The following WWOX variants were observed in gnomAD, a reference collection of about 807,000 sequenced individuals.
WWOX encodes the protein WW domain-containing oxidoreductase.
A neutral mutation model predicts 46.2 loss-of-function variants in WWOX; 69 were observed. The ratio of observed to expected loss-of-function variants is 1.49; its 90% CI spans 1.23 to 1.82. WWOX has a LOEUF of 1.82. WWOX is among the 40% of genes most tolerant of loss of function. The probability of loss-of-function intolerance (pLI) is 0.00; values close to 1 mark genes in which losing one functional copy is unlikely to be tolerated. For missense variants in WWOX, 919 were observed against 542.6 expected, an observed-to-expected ratio of 1.69 and a Z score of -6.89; for synonymous variants, 359 against 202.6, an observed-to-expected ratio of 1.77 and a Z score of -6.56.
At chr16:78,424,168 A>G (rs1476165860) in intron 6 of WWOX, among the ~76,000 whole-genome samples, 2 of 124,064 alleles carry the variant, frequency 1.6e-5, no homozygotes, top group African/African-American at 6.4e-5. Flanking sequence ...GTCAGGCTGG[A>G]GTGCAGTGGC....
In WWOX at chr16:78,621,545, G is replaced by T. The variant is rs561981740; in HGVS notation, c.1056+188793G>T. Among the ~76,000 whole-genome samples, 15 of 135,890 alleles carry T rather than the reference G, an allele frequency of 1.1e-4. 1 individual carries two copies. In the South Asian group the frequency reaches 3.6e-3, roughly 32 times the overall value. 89.1% of individuals were successfully genotyped at this position (135,890 alleles called of 152,430 possible). ...CTCAGAACTTGGCTTTTATTGGCCA[G>T]TATATTCAATGATTCACTTGCACCT... On this transcript the variant is annotated intron_variant, in intron 8 of 8. Transcript: ENST00000566780.
chr16:78,678,931 C>A (rs2047665720), intron 8 of WWOX, among the ~76,000 whole-genome samples: 1 of 152,154 alleles, frequency 6.6e-6, no homozygotes, highest in Non-Finnish European at 1.5e-5. Context: ...ACACTTTGTT[C>A]AGAGTGGGCC....
At chr16:78,979,753 C>A (rs1324161817) in intron 8 of WWOX, among the ~76,000 whole-genome samples, 1 of 152,134 alleles carries the variant, frequency 6.6e-6, no homozygotes, top group Non-Finnish European at 1.5e-5. Context: ...CAGGTTTTTC[C>A]TTCTCAGCTT....
rs943612086 is a variant in WWOX, at chr16:78,600,011, G to C, written c.1056+167259G>C. Among the ~76,000 whole-genome samples, 3 of 152,230 alleles carry C rather than the reference G, an allele frequency of 2.0e-5. No homozygotes were observed. The South Asian group carries it at 6.2e-4, about 32-fold the overall frequency. ...GCTTAGTGGACTCACAGCTCCACAT[G>C]GCTGGGGAGGCCTCACAACCATGGT... On this transcript the variant is annotated intron_variant, in intron 8 of 8. Transcript: ENST00000566780.
rs139222337 is a variant in WWOX, at chr16:79,212,570, G to A, written c.*774G>A. 3.4e-3 allele frequency: 554 copies of A among 163,924 alleles called. 5 individuals are homozygous for A. Among genetic ancestry groups the A allele is most frequent in the Admixed American group, 0.025 (443 of 17,816 alleles). 10.2% of individuals were successfully genotyped at this position (163,924 alleles called of 1,614,324 possible). A position where few individuals can be genotyped will look rare whatever the true frequency, so the allele number is the denominator to read the frequency against. On this transcript the variant is annotated 3_prime_UTR_variant, in exon 9 of 9. Transcript: ENST00000566780. Reference sequence around the variant, plus strand: ...AAAACGTTAGTTAATCCCTTTGTCTGTCAATCACAGTCTCAGTTCTCTTGC... The same window carrying A: ...AAAACGTTAGTTAATCCCTTTGTCTATCAATCACAGTCTCAGTTCTCTTGC...
rs2049478075 is a variant in WWOX, at chr16:78,751,488, T to TGC, written c.1056+318737_1056+318738dup. Among the ~76,000 whole-genome samples, 23 of 142,528 alleles carry TGC rather than the reference T, an allele frequency of 1.6e-4. 1 individual carries two copies. The Admixed American group carries it at 1.6e-3, about 10-fold the overall frequency. The allele number at this position is 142,528 out of a possible 152,430, so 93.5% of individuals were successfully genotyped here. On this transcript the variant is annotated intron_variant, in intron 8 of 8. Coordinates refer to ENST00000566780, the MANE Select transcript of WWOX (RefSeq NM_016373.4). Reference sequence around the variant, plus strand: ...ATATATATATATATATATATATATATGCATATGTTTGTATATAAATATACA... The same window carrying TGC: ...ATATATATATATATATATATATATATGCGCATATGTTTGTATATAAATATACA...
Position 78,426,350 on chromosome 16 carries a change from G to A in WWOX, c.791+1295G>A, listed in dbSNP as rs542375125. ...AGGGCACCACGGGATATGTTTAAAT[G>A]AGCTGGTATTTAATGGGAGATTATG... is the stretch of plus-strand genomic sequence containing the variant. On this transcript the variant is annotated intron_variant, in intron 7 of 8. Coordinates refer to ENST00000566780, the MANE Select transcript of WWOX (RefSeq NM_016373.4). Among the ~76,000 whole-genome samples the A allele has an allele frequency of 3.3e-5, 5 of 152,296 alleles. No homozygotes were observed. The East Asian group carries it at 5.8e-4, about 18-fold the overall frequency.
intron 6 of WWOX, among the ~76,000 whole-genome samples, chr16:78,391,008 T>C (rs936930605): frequency 6.6e-6 from 1 of 152,150 alleles, no homozygotes; most frequent in Non-Finnish European, 1.5e-5. Context: ...CTCAAGTGTT[T>C]CTCCACACTG....
chr16:78,189,559 A>G (rs1048475515), intron 5 of WWOX, among the ~76,000 whole-genome samples: 49 of 152,228 alleles, frequency 3.2e-4, no homozygotes, highest in African/African-American at 1.2e-3. Flanking sequence ...TCTGAAGTCT[A>G]TTTTTGAGAA....
chr16:79,163,882 T>G (rs1430406042), intron 8 of WWOX, among the ~76,000 whole-genome samples: 2 of 54,214 alleles, frequency 3.7e-5, no homozygotes, highest in East Asian at 4.8e-3. Context: ...GGAAGAGAAT[T>G]GGAAAAAAAA....
At chr16:78,135,186 G>A (rs750937810) in intron 4 of WWOX, among the ~76,000 whole-genome samples, 11 of 152,288 alleles carry the variant, frequency 7.2e-5, no homozygotes, top group African/African-American at 1.2e-4. Flanking sequence ...ACTCACCCAC[G>A]TGCAACAACT....
intron 8 of WWOX, among the ~76,000 whole-genome samples, chr16:78,504,295 A>C (rs2085139637): frequency 6.6e-6 from 1 of 152,234 alleles, no homozygotes. Flanking sequence ...GAAAAGGTTT[A>C]AAAACAGTAA....
chr16:78,517,545 C>T (rs2043262748), intron 8 of WWOX, among the ~76,000 whole-genome samples: 1 of 152,100 alleles, frequency 6.6e-6, no homozygotes, highest in Non-Finnish European at 1.5e-5. Flanking sequence ...ACAGGGGATA[C>T]AAATGGATTT....
At chr16:78,148,881 G>C (rs994896315) in intron 4 of WWOX, among the ~76,000 whole-genome samples, 1 of 103,476 alleles carries the variant, frequency 9.7e-6, no homozygotes, top group African/African-American at 3.9e-5. Flanking sequence ...CTGGGCGACA[G>C]AGCAAGACTC....
chr16:78,663,344 TCTAA>T (rs1311260707), intron 8 of WWOX, among the ~76,000 whole-genome samples: 4 of 152,232 alleles, frequency 2.6e-5, no homozygotes, highest in Non-Finnish European at 1.5e-5. Flanking sequence ...TTTGAACCAA[TCTAA>T]CTAATACTTC....
intron 8 of WWOX, among the ~76,000 whole-genome samples, chr16:79,086,355 C>T (rs1174266905): frequency 1.3e-5 from 2 of 152,084 alleles, no homozygotes; most frequent in African/African-American, 4.8e-5. Flanking sequence ...CAAATTTGTG[C>T]AAAGAAAATG....
Position 78,322,344 on chromosome 16 carries a change from A to G in WWOX, c.517-64516A>G, listed in dbSNP as rs185951154. On this transcript the variant is annotated intron_variant, in intron 5 of 8. Transcript: ENST00000566780. ...TTTGACTCCCTTTGTAATGTAATGC[A>G]TTGTTATGTATTTCTGAAGTTTTTC... Among the ~76,000 whole-genome samples, 10 of 152,288 alleles carry G rather than the reference A, an allele frequency of 6.6e-5. No homozygotes were observed. The East Asian group carries it at 1.7e-3, about 26-fold the overall frequency.
At chr16:78,423,291 CATAA>C (rs955973117) in intron 6 of WWOX, among the ~76,000 whole-genome samples, 1 of 152,066 alleles carries the variant, frequency 6.6e-6, no homozygotes, top group African/African-American at 2.4e-5. Flanking sequence ...TATTTTATAA[CATAA>C]ATGTTTTATA....
chr16:78,354,540 A>G (rs2151908609), intron 5 of WWOX, among the ~76,000 whole-genome samples: 1 of 152,290 alleles, frequency 6.6e-6, no homozygotes, highest in African/African-American at 2.4e-5. Flanking sequence ...CTAGTTTAGA[A>G]GAGACCCTTA....
Sources: gnomAD v4.1 joint callset for allele counts (sites outside exome capture counted in the v4.1 genomes callset) on GRCh38, gnomAD v4.1.1 for gene constraint, MANE v1.5 for transcripts, NCBI Gene and HGNC (gene_info 2026-07-23, HGNC 2026-07-21) for gene names.